The following PTPRM variants were observed in gnomAD, a reference collection of about 807,000 sequenced individuals.
PTPRM encodes the protein receptor-type tyrosine-protein phosphatase mu.
In PTPRM, 47 loss-of-function variants were observed where a neutral mutation model predicts 186.7. The ratio of observed to expected loss-of-function variants is 0.25; its 90% CI spans 0.20 to 0.32. The LOEUF (loss-of-function observed/expected upper bound fraction) is 0.32, where lower values mean the gene tolerates loss of function less well. Among genes scored for constraint, PTPRM ranks in the 10% least tolerant of loss-of-function variants. The probability of loss-of-function intolerance (pLI) is 1.00; values close to 1 mark genes in which losing one functional copy is unlikely to be tolerated. For synonymous variants in PTPRM, 668 were observed against 674.9 expected, an observed-to-expected ratio of 0.99 and a Z score of 0.16; for missense variants, 1,494 against 1,865.0, an observed-to-expected ratio of 0.80 and a Z score of 3.66.
intron 1 of PTPRM, among the ~76,000 whole-genome samples, chr18:7,667,788 A>G (rs964621558): frequency 6.6e-6 from 1 of 152,196 alleles, no homozygotes. Context: ...GAAAGATTTC[A>G]AATGATTGTA....
intron 2 of PTPRM, among the ~76,000 whole-genome samples, chr18:7,875,263 A>G (rs575283199): frequency 9.9e-5 from 15 of 152,248 alleles, no homozygotes; most frequent in Non-Finnish European, 1.9e-4. Context: ...TAAATTGTTC[A>G]CTGTATTATG....
At chr18:7,926,469 A>G (rs1156639644) in intron 4 of PTPRM, 99 bp from the exon 5 acceptor site, 10 of 698,828 alleles carry the variant, frequency 1.4e-5, no homozygotes, top group Non-Finnish European at 2.2e-6. Context: ...CCCAAGGTGA[A>G]CAAAATTGAA....
intron 2 of PTPRM, among the ~76,000 whole-genome samples, chr18:7,838,206 G>A (rs1451299184): frequency 1.3e-5 from 2 of 152,188 alleles, no homozygotes; most frequent in African/African-American, 4.8e-5. Flanking sequence ...TCACATGGCA[G>A]CAGGAGAGAG....
At chr18:7,983,234 G>A (rs77735911) in intron 7 of PTPRM, among the ~76,000 whole-genome samples, 195 of 152,118 alleles carry the variant, frequency 1.3e-3, no homozygotes, top group African/African-American at 4.5e-3. Context: ...TTAGATTTTC[G>A]TGGGAGTGCA....
At chr18:8,363,236 T>C (rs2095607647) in intron 23 of PTPRM, among the ~76,000 whole-genome samples, 1 of 152,208 alleles carries the variant, frequency 6.6e-6, no homozygotes, top group South Asian at 2.1e-4. Flanking sequence ...AGGATAATAG[T>C]ACTTACCCCA....
chr18:8,223,745 G>A (rs919773838), intron 14 of PTPRM, among the ~76,000 whole-genome samples: 15 of 152,242 alleles, frequency 9.9e-5, no homozygotes, highest in African/African-American at 3.6e-4. Flanking sequence ...TTTAGGAATT[G>A]TGGTTTATGT....
At chr18:8,207,602 G>A (rs1158416152) in intron 14 of PTPRM, among the ~76,000 whole-genome samples, 3 of 152,076 alleles carry the variant, frequency 2.0e-5, no homozygotes, top group Non-Finnish European at 4.4e-5. Flanking sequence ...AAATAAAAAT[G>A]TATAAAAAAG....
At chr18:8,027,806 T>A (rs963732686) in intron 7 of PTPRM, among the ~76,000 whole-genome samples, 12 of 152,138 alleles carry the variant, frequency 7.9e-5, no homozygotes, top group African/African-American at 2.4e-4. Flanking sequence ...TCTTATATTT[T>A]AAAAAAATTG....
intron 1 of PTPRM, among the ~76,000 whole-genome samples, chr18:7,663,975 C>T (rs558273977): frequency 1.8e-4 from 28 of 152,280 alleles, no homozygotes; most frequent in South Asian, 6.2e-4. Context: ...CGCTTGGGCC[C>T]GCCACCTCAA....
intron 1 of PTPRM, among the ~76,000 whole-genome samples, chr18:7,610,602 A>G (rs1343715496): frequency 6.6e-6 from 1 of 152,224 alleles, no homozygotes; most frequent in African/African-American, 2.4e-5. Flanking sequence ...ATAATCCCAT[A>G]CAATTATAAT....
intron 21 of PTPRM, among the ~76,000 whole-genome samples, 181 bp downstream of exon 21, chr18:8,315,038 T>C (rs1476521386): frequency 1.3e-5 from 2 of 152,186 alleles, no homozygotes; most frequent in Non-Finnish European, 2.9e-5. Context: ...GGACATACAT[T>C]GGGCTCAATC....
At chr18:7,728,936 T>A (rs979485829) in intron 1 of PTPRM, among the ~76,000 whole-genome samples, 39 of 151,802 alleles carry the variant, frequency 2.6e-4, no homozygotes, top group Non-Finnish European at 4.7e-4. Flanking sequence ...TTTTTTTTTT[T>A]TTTTTGAGAT....
intron 1 of PTPRM, among the ~76,000 whole-genome samples, chr18:7,683,785 T>A (rs185073721): frequency 2.0e-5 from 3 of 152,334 alleles, no homozygotes; most frequent in Non-Finnish European, 4.4e-5. Flanking sequence ...GGGCTTGCTA[T>A]GCTCAGGGTA....
chr18:7,681,006 T>C (rs1010591506), intron 1 of PTPRM, among the ~76,000 whole-genome samples: 1 of 152,156 alleles, frequency 6.6e-6, no homozygotes, highest in Non-Finnish European at 1.5e-5. Context: ...ATGTTTGATA[T>C]TGTCAAGAGA....
intron 5 of PTPRM, among the ~76,000 whole-genome samples, chr18:7,930,090 A>G (rs2051392429): frequency 6.6e-6 from 1 of 152,060 alleles, no homozygotes; most frequent in South Asian, 2.1e-4. Context: ...TTTTTTTGAG[A>G]CAGGGTCTCA....
chr18:8,043,408 A>G (rs1295602842), intron 7 of PTPRM, among the ~76,000 whole-genome samples: 1 of 152,084 alleles, frequency 6.6e-6, no homozygotes, highest in African/African-American at 2.4e-5. Context: ...TATCTTCATC[A>G]ATATGGTCCA....
intron 14 of PTPRM, among the ~76,000 whole-genome samples, chr18:8,174,925 A>G (rs1203842737): frequency 6.6e-6 from 1 of 152,254 alleles, no homozygotes; most frequent in Non-Finnish European, 1.5e-5. Flanking sequence ...GAGAAAAGGC[A>G]ATCTGTGCAC....
At chr18:7,712,806 G>C (rs2040240922) in intron 1 of PTPRM, among the ~76,000 whole-genome samples, 1 of 151,932 alleles carries the variant, frequency 6.6e-6, no homozygotes. Flanking sequence ...AAAGCATGAA[G>C]AGAAGATTAG....
chr18:8,209,991 A>T (rs1189202064), intron 14 of PTPRM, among the ~76,000 whole-genome samples: 1 of 45,344 alleles, frequency 2.2e-5, no homozygotes, highest in African/African-American at 1.1e-4. Flanking sequence ...AGTAAAATTA[A>T]AAAAAAAAAA....
Sources: gnomAD v4.1 joint callset for allele counts (sites outside exome capture counted in the v4.1 genomes callset) on GRCh38, gnomAD v4.1.1 for gene constraint, MANE v1.5 for transcripts, NCBI Gene and HGNC (gene_info 2026-07-23, HGNC 2026-07-21) for gene names.